GABRR2: variants seen among roughly 807,000 people sequenced by gnomAD.
GABRR2 encodes gamma-aminobutyric acid receptor subunit rho-2.
A neutral mutation model predicts 47.0 loss-of-function variants in GABRR2; 36 were observed. The ratio of observed to expected loss-of-function variants is 0.77; its 90% confidence interval spans 0.59 to 1.01. GABRR2 has a LOEUF of 1.01. Ranked by LOEUF, GABRR2 falls within the 50% of genes least tolerant of loss-of-function variation. The pLI is 0.00. For synonymous variants in GABRR2, 204 were observed against 227.5 expected, an observed-to-expected ratio of 0.90 and a Z score of 0.93; for missense variants, 587 against 594.6, an observed-to-expected ratio of 0.99 and a Z score of 0.13.
At chr6:89,267,607 G>C in intron 6 of GABRR2, 72 bp downstream of exon 6, 1 of 1,412,076 alleles carries the variant, frequency 7.1e-7, no homozygotes, top group Non-Finnish European at 9.8e-7. Context: ...ATTTTCCTGG[G>C]GTTAAGGCTG....
chr6:89,278,698 G>T (rs762012937), intron 2 of GABRR2, among the ~76,000 whole-genome samples: 3 of 152,184 alleles, frequency 2.0e-5, no homozygotes, highest in Non-Finnish European at 4.4e-5. Context: ...CAACTTTCAG[G>T]GAGAGCAACT....
chr6:89,293,977 T>C (rs1774511988), intron 2 of GABRR2, among the ~76,000 whole-genome samples: 1 of 152,208 alleles, frequency 6.6e-6, no homozygotes, highest in Non-Finnish European at 1.5e-5. Flanking sequence ...TTTAATCTTT[T>C]CTCTTTCTAG....
intron 8 of GABRR2, among the ~76,000 whole-genome samples, chr6:89,262,858 C>CA (rs1223753860): frequency 6.6e-6 from 1 of 152,192 alleles, no homozygotes; most frequent in Non-Finnish European, 1.5e-5. Flanking sequence ...GATCAGGTAG[C>CA]AAGTCAGCAT....
intron 1 of GABRR2, among the ~76,000 whole-genome samples, chr6:89,311,490 C>T (rs1380876468): frequency 6.6e-6 from 1 of 152,140 alleles, no homozygotes; most frequent in Non-Finnish European, 1.5e-5. Context: ...GGAGATGGCC[C>T]ACACAGTCTC....
At chr6:89,261,506 C>T (rs79532940) in intron 8 of GABRR2, among the ~76,000 whole-genome samples, 1,732 of 152,228 alleles carry the variant, frequency 0.011, 47 homozygotes, top group African/African-American at 0.039. Context: ...GTTATTCCTC[C>T]TCTCTTTTGG....
rs765407530 is a variant in GABRR2 at position 89,255,245 on chromosome 6, T to C, written c.*2425A>G. Among the ~76,000 whole-genome samples, 1 of 152,100 alleles carries C rather than the reference T, an allele frequency of 6.6e-6. No individual in the cohort carries two copies. The highest frequency in any genetic ancestry group is 2.4e-5 in the African/African-American group (1 of 41,428). Reference sequence around the variant, plus strand: ...TGAGGTCAGGAGTTCAAGACCAGGCTGACTAACATGGAGAAACCCCATCTC... The same window carrying C: ...TGAGGTCAGGAGTTCAAGACCAGGCCGACTAACATGGAGAAACCCCATCTC... On this transcript the variant is annotated 3_prime_UTR_variant, in exon 9 of 9. Coordinates refer to ENST00000402938, the MANE Select transcript of GABRR2 (RefSeq NM_002043.5).
At chr6:89,260,423 G>C (rs181524920) in intron 8 of GABRR2, among the ~76,000 whole-genome samples, 1 of 152,186 alleles carries the variant, frequency 6.6e-6, no homozygotes, top group African/African-American at 2.4e-5. Context: ...CTGTTTCCCA[G>C]ATTGGCTTGC....
intron 1 of GABRR2, chr6:89,303,028 C>T (rs1219665864): frequency 8.3e-7 from 1 of 1,207,406 alleles, no homozygotes; most frequent in Non-Finnish European, 1.2e-6. Context: ...GTCCGAGTAC[C>T]AGCAGTACCA....
chr6:89,272,642 C>T (rs376746363), intron 2 of GABRR2, among the ~76,000 whole-genome samples: 2 of 152,302 alleles, frequency 1.3e-5, no homozygotes, highest in African/African-American at 2.4e-5. Flanking sequence ...TGGGCCTCAG[C>T]GGGAGAGGGC....
At chr6:89,277,456 A>G (rs770146591) in intron 2 of GABRR2, among the ~76,000 whole-genome samples, 17 of 152,214 alleles carry the variant, frequency 1.1e-4, no homozygotes, top group Non-Finnish European at 2.2e-4. Flanking sequence ...GAATATATAA[A>G]TAACTCCTAA....
intron 8 of GABRR2, among the ~76,000 whole-genome samples, chr6:89,263,113 G>A (rs953240387): frequency 1.3e-5 from 2 of 152,060 alleles, no homozygotes; most frequent in African/African-American, 2.4e-5. Flanking sequence ...TTCCACCTCT[G>A]CCACCCCGGA....
At chr6:89,278,529 C>T (rs1032969926) in intron 2 of GABRR2, among the ~76,000 whole-genome samples, 3 of 152,210 alleles carry the variant, frequency 2.0e-5, no homozygotes, top group African/African-American at 7.2e-5. Context: ...GAAGGTGAGG[C>T]TGAGGGGCTT....
chr6:89,298,324 G>A (rs753704683), intron 2 of GABRR2, among the ~76,000 whole-genome samples: 1 of 152,198 alleles, frequency 6.6e-6, no homozygotes, highest in Non-Finnish European at 1.5e-5. Context: ...CAAGAGGAAG[G>A]TCTGGCAGCT....
At position 89,271,672 on chromosome 6, in the gene GABRR2, T is replaced by C; in HGVS notation, c.271A>G (p.Ile91Val). Residue 91 changes from isoleucine (I) to valine (V), a missense_variant, in exon 3 of 9, where the codon ATC (isoleucine) becomes GTC (valine). Ile to Val is a conservative substitution (Grantham distance 29). Coordinates refer to ENST00000402938, the MANE Select transcript of GABRR2 (RefSeq NM_002043.5). ...VDVQVESLDSISEVDMDFTMT... is the reference protein window; with the variant it reads ...VDVQVESLDSVSEVDMDFTMT... ...CTGCATACCATGTCCACCTCGGAGA[T>C]GCTGTCCAGGCTCTCCACCTGTACG... is the stretch of plus-strand genomic sequence containing the variant. The C allele has an allele frequency of 1.2e-6, 2 of 1,612,120 alleles. No homozygotes were observed. The highest frequency in any genetic ancestry group is 1.1e-5 in the South Asian group (1 of 90,526).
chr6:89,310,738 G>A (rs1489053939), intron 1 of GABRR2, among the ~76,000 whole-genome samples: 1 of 151,850 alleles, frequency 6.6e-6, no homozygotes, highest in East Asian at 1.9e-4. Flanking sequence ...ATGAGAAGCG[G>A]GAGGGGGTGG....
chr6:89,267,583 C>A, intron 6 of GABRR2, 96 bp downstream of exon 6: 2 of 1,229,422 alleles, frequency 1.6e-6, no homozygotes, highest in Non-Finnish European at 2.2e-6. Context: ...AAAAACAAAA[C>A]ACACACAAAA....
chr6:89,293,159 C>T (rs1043936929), intron 2 of GABRR2, among the ~76,000 whole-genome samples: 1 of 151,970 alleles, frequency 6.6e-6, no homozygotes, highest in Non-Finnish European at 1.5e-5. Context: ...CAACATGTAC[C>T]TTGAAGACAT....
chr6:89,285,989 TCTC>T (rs2127841987), intron 2 of GABRR2, among the ~76,000 whole-genome samples: 1 of 149,366 alleles, frequency 6.7e-6, no homozygotes, highest in African/African-American at 2.5e-5. Flanking sequence ...CCCTTTCTCT[TCTC>T]TGCAGATACT....
intron 2 of GABRR2, among the ~76,000 whole-genome samples, chr6:89,296,126 G>C (rs959287254): frequency 3.9e-5 from 6 of 152,224 alleles, no homozygotes; most frequent in Non-Finnish European, 8.8e-5. Context: ...TGTGCTGTCT[G>C]TGCAGCCTCC....
Sources: gnomAD v4.1 joint callset for allele counts (sites outside exome capture counted in the v4.1 genomes callset) on GRCh38, gnomAD v4.1.1 for gene constraint, MANE v1.5 for transcripts, NCBI Gene and HGNC (gene_info 2026-07-23, HGNC 2026-07-21) for gene names.